EVI5: variants seen among roughly 807,000 people sequenced by gnomAD.
EVI5 encodes ecotropic viral integration site 5 protein homolog.
A neutral mutation model predicts 112.0 loss-of-function variants in EVI5; 73 were observed. The observed-to-expected ratio is 0.65, with a 90% confidence interval of 0.54 to 0.79. The LOEUF is 0.79. EVI5 is among the 30% of genes least tolerant of loss of function. The pLI, the probability that EVI5 is intolerant of heterozygous loss-of-function variation, is 0.00. For missense variants in EVI5, 900 were observed against 968.8 expected (o/e 0.93, Z 0.94); for synonymous variants, 305 against 319.9 (o/e 0.95, Z 0.50).
intron 19 of EVI5, among the ~76,000 whole-genome samples, chr1:92,539,666 T>C (rs1402279583): frequency 6.6e-6 from 1 of 152,102 alleles, no homozygotes; most frequent in Admixed American, 6.5e-5. Flanking sequence ...TAGGAAACTG[T>C]CCAGAAGAGA....
At chr1:92,606,747 A>T (rs1650475295) in intron 17 of EVI5, among the ~76,000 whole-genome samples, 1 of 152,202 alleles carries the variant, frequency 6.6e-6, no homozygotes, top group Admixed American at 6.5e-5. Context: ...ATACAATAAT[A>T]AGGCTGGAAT....
intron 16 of EVI5, among the ~76,000 whole-genome samples, 163 bp downstream of exon 16, chr1:92,624,013 C>T (rs1266048502): frequency 2.0e-5 from 3 of 152,294 alleles, no homozygotes; most frequent in South Asian, 4.1e-4. Context: ...CTCTGAAATC[C>T]AATATAATAA....
chr1:92,679,169 G>A (rs77382266), intron 9 of EVI5, among the ~76,000 whole-genome samples: 3,154 of 152,096 alleles, frequency 0.021, 61 homozygotes, highest in Admixed American at 0.055. Context: ...TCTAGGCTGC[G>A]GGCTCCTTAT....
intron 1 of EVI5, among the ~76,000 whole-genome samples, chr1:92,745,915 G>T (rs1454245851): frequency 6.6e-6 from 1 of 152,208 alleles, no homozygotes; most frequent in Non-Finnish European, 1.5e-5. Flanking sequence ...TTGGTGAATA[G>T]TGTTAAACTA....
At chr1:92,514,164 T>C (rs1359901149) in intron 19 of EVI5, among the ~76,000 whole-genome samples, 194 bp from the exon 20 acceptor site, 2 of 152,212 alleles carry the variant, frequency 1.3e-5, no homozygotes, top group Non-Finnish European at 2.9e-5. Flanking sequence ...TTTTATTTTT[T>C]TTGAGACAGG....
intron 14 of EVI5, among the ~76,000 whole-genome samples, chr1:92,635,752 AG>A (rs1658679774): frequency 6.6e-6 from 1 of 152,088 alleles, no homozygotes; most frequent in African/African-American, 2.4e-5. Context: ...TCACACTGGG[AG>A]CTGTAGACAG....
intron 19 of EVI5, among the ~76,000 whole-genome samples, chr1:92,534,282 G>A (rs1235816132): frequency 6.6e-6 from 1 of 152,088 alleles, no homozygotes; most frequent in East Asian, 1.9e-4. Flanking sequence ...AATAAGAGAG[G>A]ACACAAACAA....
At chr1:92,713,036 C>T (rs1393337357) in intron 2 of EVI5, among the ~76,000 whole-genome samples, 2 of 151,794 alleles carry the variant, frequency 1.3e-5, no homozygotes, top group Non-Finnish European at 2.9e-5. Flanking sequence ...AATCCTCCCA[C>T]CTAGGCCTCC....
At chr1:92,772,425 A>T (rs761715473) in intron 1 of EVI5, among the ~76,000 whole-genome samples, 83 of 151,404 alleles carry the variant, frequency 5.5e-4, no homozygotes, top group Non-Finnish European at 9.0e-4. Flanking sequence ...TGAAACCCTG[A>T]TTCTACTAAA....
intron 19 of EVI5, among the ~76,000 whole-genome samples, chr1:92,528,032 G>A (rs1264629708): frequency 1.3e-5 from 2 of 152,174 alleles, no homozygotes; most frequent in East Asian, 3.8e-4. Flanking sequence ...ATTTTCCACA[G>A]AGTTTGTAAT....
At chr1:92,657,692 C>G (rs1449570787) in intron 13 of EVI5, among the ~76,000 whole-genome samples, 2 of 151,938 alleles carry the variant, frequency 1.3e-5, no homozygotes, top group East Asian at 1.9e-4. Flanking sequence ...ACTAAAAAAC[C>G]TAGGTTCTCC....
chr1:92,763,866 G>C (rs906203294), intron 1 of EVI5, among the ~76,000 whole-genome samples: 1 of 151,998 alleles, frequency 6.6e-6, no homozygotes, highest in African/African-American at 2.4e-5. Context: ...AGTTTCTAAA[G>C]AAAGGAAGAA....
At chr1:92,583,671 T>A (rs1179147542) in intron 18 of EVI5, among the ~76,000 whole-genome samples, 1 of 151,366 alleles carries the variant, frequency 6.6e-6, no homozygotes, top group Admixed American at 6.6e-5. Flanking sequence ...TCTAGTATTG[T>A]ACTGGCCAAT....
chr1:92,662,487 A>T (rs1664192347), intron 13 of EVI5, among the ~76,000 whole-genome samples: 3 of 152,214 alleles, frequency 2.0e-5, no homozygotes, highest in African/African-American at 7.2e-5. Context: ...AGGAAAGAAA[A>T]TATTACCTAT....
chr1:92,561,615 AT>A (rs1668607046), intron 19 of EVI5, among the ~76,000 whole-genome samples: 1 of 76,100 alleles, frequency 1.3e-5, no homozygotes, highest in Non-Finnish European at 2.9e-5. Flanking sequence ...TATCCTATCT[AT>A]CTATCTATCT....
chr1:92,555,614 C>A (rs554033099), intron 19 of EVI5, among the ~76,000 whole-genome samples: 3 of 152,030 alleles, frequency 2.0e-5, no homozygotes, highest in South Asian at 4.1e-4. Flanking sequence ...CTTTGGGAGG[C>A]CGAGGGGCAC....
chr1:92,606,841 G>C (rs1435453093), intron 17 of EVI5, among the ~76,000 whole-genome samples: 1 of 149,688 alleles, frequency 6.7e-6, no homozygotes, highest in East Asian at 2.0e-4. Flanking sequence ...CTTGCCTTTA[G>C]TAATCCATTC....
chr1:92,513,901 G>A lies in EVI5; in HGVS notation c.2236C>T (p.His746Tyr), dbSNP rs779591884. 6.2e-7 allele frequency: 1 copy of A among 1,606,902 alleles called. No individual in the cohort carries two copies. The highest frequency in any genetic ancestry group is 1.3e-5 in the African/African-American group (1 of 74,814). The change falls in exon 20 of 20, where the codon CAT becomes TAT. Residue 746 changes from histidine to tyrosine, a missense_variant. Physicochemically the swap from His to Tyr is moderately conservative, Grantham distance 83. Transcript: ENST00000684568. ...AATGATTCATCATCTCCTATTAAAT[G>A]GTTGACAATGTGGATTCCATCAAAA... ...PPFDGIHIVN[H>Y]LIGDDESFHS...
At chr1:92,751,129 G>A (rs528308152) in intron 1 of EVI5, among the ~76,000 whole-genome samples, 310 of 152,142 alleles carry the variant, frequency 2.0e-3, no homozygotes, top group African/African-American at 6.8e-3. Flanking sequence ...TAGCCTGAGC[G>A]ACAGAACAAG....
Sources: gnomAD v4.1 joint callset for allele counts (sites outside exome capture counted in the v4.1 genomes callset) on GRCh38, gnomAD v4.1.1 for gene constraint, MANE v1.5 for transcripts, NCBI Gene and HGNC (gene_info 2026-07-23, HGNC 2026-07-21) for gene names.